Variants in QPRT observed in about 807,000 individuals in gnomAD.
The protein encoded by QPRT is nicotinate-nucleotide pyrophosphorylase [carboxylating].
A neutral mutation model predicts 19.8 loss-of-function variants in QPRT; 17 were observed. The ratio of observed to expected loss-of-function variants is 0.86; its 90% confidence interval spans 0.59 to 1.29. QPRT has a LOEUF of 1.29. Ranked by LOEUF, QPRT falls within the 50% of genes most tolerant of loss-of-function variation. The pLI, the probability that QPRT is intolerant of heterozygous loss-of-function variation, is 0.00. For missense variants in QPRT, 336 were observed against 405.1 expected (o/e 0.83, Z 1.46); for synonymous variants, 178 against 191.0 (o/e 0.93, Z 0.56).
intron 1 of QPRT, among the ~76,000 whole-genome samples, chr16:29,685,124 T>C (rs1967124556): frequency 1.3e-5 from 2 of 152,234 alleles, no homozygotes; most frequent in African/African-American, 4.8e-5. Context: ...AGAGCTACTG[T>C]CAAAGTTCAG....
In QPRT at chr16:29,688,778, TTC is replaced by T. The variant is rs1384779629; in HGVS notation, c.14-5882_14-5881del. Among the ~76,000 whole-genome samples the T allele has an allele frequency of 4.6e-5, 7 of 151,198 alleles. No individual in the cohort carries two copies. In the East Asian group the frequency reaches 9.8e-4, roughly 21 times the overall value. On this transcript the variant is annotated intron_variant, in intron 1 of 3. Coordinates refer to ENST00000395384, the MANE Select transcript of QPRT (RefSeq NM_014298.6). ...CAGGCTAATTTTTTGTTTGTTTTTA[TTC>T]TCTTTTTTTTTTTTTTTGAGACTGA...
chr16:29,682,549 A>ATT (rs961136411), intron 1 of QPRT, among the ~76,000 whole-genome samples: 1 of 137,844 alleles, frequency 7.3e-6, no homozygotes, highest in South Asian at 2.3e-4. Flanking sequence ...ATTTTTTTGC[A>ATT]TTTTTTTTTT....
chr16:29,684,648 C>T (rs926389105), intron 1 of QPRT, among the ~76,000 whole-genome samples: 3 of 152,082 alleles, frequency 2.0e-5, no homozygotes, highest in Non-Finnish European at 4.4e-5. Flanking sequence ...CGCCTGGCCA[C>T]GGCAGCATCT....
At chr16:29,682,437 A>G (rs1358315709) in intron 1 of QPRT, among the ~76,000 whole-genome samples, 1 of 151,852 alleles carries the variant, frequency 6.6e-6, no homozygotes, top group Admixed American at 6.6e-5. Context: ...TAATGGCGTG[A>G]TCTTGGCTCA....
chr16:29,681,038 T>TGC (rs936833060), intron 1 of QPRT, among the ~76,000 whole-genome samples: 3 of 151,784 alleles, frequency 2.0e-5, no homozygotes, highest in African/African-American at 7.3e-5. Flanking sequence ...ATGTTTGAGG[T>TGC]GCCTGCTGGC....
At chr16:29,689,923 C>T (rs1028801199) in intron 1 of QPRT, among the ~76,000 whole-genome samples, 2 of 152,080 alleles carry the variant, frequency 1.3e-5, no homozygotes, top group Non-Finnish European at 2.9e-5. Flanking sequence ...GATTTTAAGA[C>T]GCTAGCCTGC....
At chr16:29,694,622 G>A in intron 1 of QPRT, 42 bp from the exon 2 acceptor site, 2 of 1,507,088 alleles carry the variant, frequency 1.3e-6, no homozygotes, top group Non-Finnish European at 1.8e-6. Flanking sequence ...CTGACAGCAG[G>A]AGAGGCAGCC....
rs192907141 is a variant in QPRT, at chr16:29,698,560, G to T, written c.*1149G>T. The T allele has an allele frequency of 6.5e-6, 1 of 152,792 alleles. No individual in the cohort carries two copies. The highest frequency in any genetic ancestry group is 1.9e-4 in the East Asian group (1 of 5,190). 9.5% of individuals were successfully genotyped at this position (152,792 alleles called of 1,614,324 possible). A position where few individuals can be genotyped will look rare whatever the true frequency, so the allele number is the denominator to read the frequency against. On this transcript the variant is annotated 3_prime_UTR_variant, in exon 4 of 4. Transcript: ENST00000395384. Reference sequence around the variant, plus strand: ...CCCCAGTCACGTTCCCCGCTTGCTTGAGATATCATGACCCTTTCACGTGGA... The same window carrying T: ...CCCCAGTCACGTTCCCCGCTTGCTTTAGATATCATGACCCTTTCACGTGGA...
intron 1 of QPRT, among the ~76,000 whole-genome samples, chr16:29,689,169 A>G (rs1967252121): frequency 6.6e-6 from 1 of 150,742 alleles, no homozygotes; most frequent in Admixed American, 6.6e-5. Context: ...ATCTCAGCTC[A>G]TTGCAACCTC....
chr16:29,692,091 A>G (rs972215132), intron 1 of QPRT, among the ~76,000 whole-genome samples: 2 of 151,702 alleles, frequency 1.3e-5, no homozygotes, highest in African/African-American at 4.8e-5. Context: ...GGGGAAGCCA[A>G]CTCCACGGAT....
intron 1 of QPRT, among the ~76,000 whole-genome samples, chr16:29,690,837 A>C (rs2142305940): frequency 6.6e-6 from 1 of 152,094 alleles, no homozygotes; most frequent in African/African-American, 2.4e-5. Flanking sequence ...TTACAGGCAC[A>C]TGCCACCACG....
intron 2 of QPRT, 23 bp from the exon 3 acceptor site, chr16:29,696,973 T>C: frequency 6.3e-7 from 1 of 1,582,198 alleles, no homozygotes. Context: ...GTCCTCACCC[T>C]TGTCCTCCCG....
chr16:29,683,033 T>TG (rs1162078987), intron 1 of QPRT, among the ~76,000 whole-genome samples: 1 of 151,672 alleles, frequency 6.6e-6, no homozygotes, highest in African/African-American at 2.4e-5. Flanking sequence ...GATTCTTTTT[T>TG]TTTTTTTTTG....
intron 2 of QPRT, 44 bp downstream of exon 2, chr16:29,695,243 A>C (rs969612675): frequency 2.0e-6 from 3 of 1,472,052 alleles, no homozygotes; most frequent in African/African-American, 2.9e-5. Context: ...CCCTCAGCAC[A>C]CCCCTCCCCT....
At chr16:29,688,596 T>C (rs1301155724) in intron 1 of QPRT, among the ~76,000 whole-genome samples, 2 of 152,080 alleles carry the variant, frequency 1.3e-5, no homozygotes, top group Admixed American at 6.6e-5. Context: ...CTCGGCTCAC[T>C]GCAAACTCTG....
At chr16:29,680,594 G>GAAGCCAT (rs1966971253) in intron 1 of QPRT, among the ~76,000 whole-genome samples, 1 of 152,150 alleles carries the variant, frequency 6.6e-6, no homozygotes, top group African/African-American at 2.4e-5. Context: ...ACCATGGGTG[G>GAAGCCAT]GTCCTGGCTT....
chr16:29,686,724 T>G (rs1427426740), intron 1 of QPRT, among the ~76,000 whole-genome samples: 3 of 152,162 alleles, frequency 2.0e-5, no homozygotes, highest in African/African-American at 7.2e-5. Context: ...CAGGCTGGTC[T>G]TGAACTCCTG....
rs756801317 is a variant in QPRT, at chr16:29,697,649, C to T, written c.*238C>T. ...AAAGGATCAACCACATGGGGTTCTG[C>T]GGTGATAATGAGCACATAGTGAGGG... is the stretch of plus-strand genomic sequence containing the variant. On this transcript the variant is annotated 3_prime_UTR_variant, in exon 4 of 4. Coordinates refer to ENST00000395384, the MANE Select transcript of QPRT (RefSeq NM_014298.6). This position sits in a 1 kb window ranked among gnomAD's most constrained non-coding sequence, Gnocchi z 4.4. 20 of 543,198 alleles carry T rather than the reference C, an allele frequency of 3.7e-5. No homozygotes were observed. The highest frequency in any genetic ancestry group is 6.2e-5 in the East Asian group (2 of 32,132). The allele number at this position is 543,198 out of a possible 1,614,324, so 33.6% of individuals were successfully genotyped here. A position where few individuals can be genotyped will look rare whatever the true frequency, so the allele number is the denominator to read the frequency against.
rs1285854674 is a variant in QPRT at position 29,697,511 on chromosome 16, T to C, written c.*100T>C. The C allele has an allele frequency of 7.8e-7, 1 of 1,278,896 alleles. No individual in the cohort carries two copies. Among genetic ancestry groups the C allele is most frequent in the Non-Finnish European group, 1.1e-6 (1 of 934,376 alleles). 79.2% of individuals were successfully genotyped at this position (1,278,896 alleles called of 1,614,324 possible). A position where few individuals can be genotyped will look rare whatever the true frequency, so the allele number is the denominator to read the frequency against. ...AGGGTCAGTGGCCAATGGGGCACAT[T>C]TGGCACTAGCTTGAGCCCAACTCTG... On this transcript the variant is annotated 3_prime_UTR_variant, in exon 4 of 4. Transcript: ENST00000395384. This position sits in a 1 kb window ranked among gnomAD's most constrained non-coding sequence, Gnocchi z 4.4.
Sources: allele counts gnomAD v4.1 joint callset (sites outside exome capture counted in the v4.1 genomes callset), GRCh38; gene constraint gnomAD v4.1.1; non-coding constraint Gnocchi (gnomAD v3.1); transcripts MANE v1.5; gene names NCBI Gene and HGNC (gene_info 2026-07-23, HGNC 2026-07-21).